The following PCNT variants were observed in gnomAD, a reference collection of about 807,000 sequenced individuals.
PCNT encodes the protein kendrin.
PCNT carries 319 observed loss-of-function variants against 380.4 expected under a neutral mutation model. The observed-to-expected ratio is 0.84, with a 90% confidence interval of 0.77 to 0.92. The LOEUF is 0.92. Among genes scored for constraint, PCNT ranks in the 40% least tolerant of loss-of-function variants. The pLI is 0.00. For synonymous variants in PCNT, 1,845 were observed against 1,735.2 expected (o/e 1.06, Z -1.57); for missense variants, 4,400 against 4,255.3 (o/e 1.03, Z -0.95).
Position 46,388,938 on chromosome 21 carries a change from C to G in PCNT, c.3607+54C>G. The G allele has an allele frequency of 6.5e-7, 1 of 1,546,616 alleles. No individual in the cohort carries two copies. The stretch of plus-strand genomic sequence containing the variant: ...CCTGTGCTTGCAGCCCCTCTGTGGT[C>G]CTGGAGCTCTCTGAGAGGAGCCTCC... On this transcript the variant is annotated intron_variant, in intron 18 of 46. Transcript: ENST00000359568. The surrounding 1 kb of genome is among the most constrained non-coding windows in gnomAD (Gnocchi z 4.2).
intron 37 of PCNT, 138 bp downstream of exon 37, chr21:46,430,795 G>A: frequency 1.3e-6 from 2 of 1,520,188 alleles, no homozygotes; most frequent in Non-Finnish European, 1.8e-6. Flanking sequence ...TAGCAGGATA[G>A]GGCTGTGTTT....
chr21:46,434,129 C>G (rs918101601), intron 38 of PCNT, among the ~76,000 whole-genome samples: 1 of 152,212 alleles, frequency 6.6e-6, no homozygotes, highest in African/African-American at 2.4e-5. Flanking sequence ...TTATAGAACC[C>G]TTCTCTAGCT....
chr21:46,348,074 G>T (rs951839064), intron 6 of PCNT, among the ~76,000 whole-genome samples: 1 of 152,216 alleles, frequency 6.6e-6, no homozygotes, highest in Non-Finnish European at 1.5e-5. Context: ...GACGATGGGT[G>T]TTAGTCCAGG....
At position 46,436,045 on chromosome 21, in the gene PCNT, G is replaced by A; in HGVS notation, c.8893G>A (p.Ala2965Thr). 1 of 1,613,844 alleles carries A rather than the reference G, an allele frequency of 6.2e-7. No individual in the cohort carries two copies. The highest frequency in any genetic ancestry group is 8.5e-7 in the Non-Finnish European group (1 of 1,179,986). Residue 2965 changes from alanine to threonine, a missense_variant, in exon 39 of 47, where the codon GCG (alanine) becomes ACG (threonine). Transcript: ENST00000359568. ...GSARRAAGSD[A>T]DHLREQQREL... ...TGCCCGCAGGGCTGCCGGCTCGGAT[G>A]CGGACCACCTCCGGGAACAGCAGCG... is the stretch of plus-strand genomic sequence containing the variant.
chr21:46,334,918 T>C, intron 3 of PCNT, 150 bp downstream of exon 3: 1 of 1,315,618 alleles, frequency 7.6e-7, no homozygotes, highest in Non-Finnish European at 1.1e-6. Flanking sequence ...AGGCAGAGGC[T>C]CACCCTGTAG....
In PCNT at chr21:46,444,756, A is replaced by G. The variant is rs755920256; in HGVS notation, c.9902A>G (p.His3301Arg). 12 of 1,612,736 alleles carry G rather than the reference A, an allele frequency of 7.4e-6. No individual in the cohort carries two copies. The highest frequency in any genetic ancestry group is 1.7e-6 in the Non-Finnish European group (2 of 1,179,178). ...CTGACTGCTTCTCAAGATCCAGAAC[A>G]TTCCTTGACAGAGTATATTCACCAT... is the stretch of plus-strand genomic sequence containing the variant. ...RSLTASQDPE[H>R]SLTEYIHHLE... The change falls in exon 46 of 47, where the codon CAT becomes CGT. Residue 3301 changes from histidine (H) to arginine (R), a missense_variant. By Grantham distance (29) the His-to-Arg change is conservative. Coordinates refer to ENST00000359568, the MANE Select transcript of PCNT (RefSeq NM_006031.6).
At chr21:46,426,336 A>G (rs1054540257) in intron 33 of PCNT, among the ~76,000 whole-genome samples, 1 of 151,714 alleles carries the variant, frequency 6.6e-6, no homozygotes, top group African/African-American at 2.4e-5. Context: ...CTGGCCTAGG[A>G]TTTTTTTTAG....
At chr21:46,439,754 A>G (rs55945401) in intron 41 of PCNT, among the ~76,000 whole-genome samples, 1 of 152,312 alleles carries the variant, frequency 6.6e-6, no homozygotes, top group Non-Finnish European at 1.5e-5. Flanking sequence ...ACCGGAGAAT[A>G]TGAGAGTGTT....
chr21:46,351,665 C>T, intron 9 of PCNT, 125 bp downstream of exon 9: 8 of 725,170 alleles, frequency 1.1e-5, no homozygotes, highest in South Asian at 8.8e-5. Context: ...ACCTGTTTGA[C>T]ATCCTGAAGG....
At chr21:46,395,019 G>A (rs2086160637) in intron 21 of PCNT, among the ~76,000 whole-genome samples, 1 of 152,232 alleles carries the variant, frequency 6.6e-6, no homozygotes, top group Non-Finnish European at 1.5e-5. Context: ...GCACAGCCCA[G>A]GTCGTGTCCA....
At chr21:46,441,116 C>CG in intron 43 of PCNT, 32 bp downstream of exon 43, 2 of 1,360,304 alleles carry the variant, frequency 1.5e-6, no homozygotes, top group Non-Finnish European at 2.1e-6. Flanking sequence ...CAGTGCGTTC[C>CG]GCGTCTGTCT....
chr21:46,347,377 GCCTGGTCGTTT>G, intron 5 of PCNT, 69 bp from the exon 6 acceptor site: 1 of 1,414,160 alleles, frequency 7.1e-7, no homozygotes, highest in Non-Finnish European at 1.0e-6. Flanking sequence ...GGGTGCCAGA[GCCTGGTCGTTT>G]CCTGGGCAGT....
intron 15 of PCNT, among the ~76,000 whole-genome samples, chr21:46,377,322 G>A (rs566039858): frequency 6.6e-6 from 1 of 152,354 alleles, no homozygotes; most frequent in East Asian, 1.9e-4. Flanking sequence ...AGGTCCCACT[G>A]CTGAGGACAT....
intron 27 of PCNT, among the ~76,000 whole-genome samples, chr21:46,403,945 G>C (rs7282674): frequency 2.1e-3 from 255 of 120,570 alleles, no homozygotes; most frequent in South Asian, 4.9e-3. Flanking sequence ...CTCGGTGAAT[G>C]AACACAGCGT....
intron 31 of PCNT, 55 bp downstream of exon 31, chr21:46,418,361 G>A (rs2087113769): frequency 9.4e-7 from 1 of 1,060,640 alleles, no homozygotes; most frequent in Non-Finnish European, 1.5e-6. Context: ...TCCTAGCACA[G>A]AATAGTCAAA....
chr21:46,336,353 G>T (rs890583196), intron 3 of PCNT, among the ~76,000 whole-genome samples: 2 of 152,184 alleles, frequency 1.3e-5, no homozygotes, highest in Admixed American at 1.3e-4. Flanking sequence ...TCTCTGGTGG[G>T]TTCTATAAAA....
rs546445955 is a variant in PCNT at position 46,397,928 on chromosome 21, G to A, written c.4447-86G>A. On this transcript the variant is annotated intron_variant, in intron 22 of 46. Transcript: ENST00000359568. ...AGCTGCTGGGCAGTTGCACTTGTACGTGCAGTGGAAGCCTGGGTGGACCTT... is the reference window on the plus strand; with the variant it reads ...AGCTGCTGGGCAGTTGCACTTGTACATGCAGTGGAAGCCTGGGTGGACCTT... 1.0e-4 allele frequency: 98 copies of A among 961,854 alleles called. No individual in the cohort carries two copies. The East Asian group carries it at 1.3e-3, about 13-fold the overall frequency. 59.6% of individuals were successfully genotyped at this position (961,854 alleles called of 1,614,324 possible).
Position 46,334,556 on chromosome 21 carries a change from C to T in PCNT, c.427C>T (p.Arg143Cys), listed in dbSNP as rs201176638. 2.8e-4 allele frequency: 440 copies of T among 1,598,784 alleles called. No homozygotes were observed. The highest frequency in any genetic ancestry group is 5.7e-4 in the Admixed American group (34 of 59,548). The change falls in exon 3 of 47, where the codon CGT becomes TGT. Residue 143 changes from arginine to cysteine, a missense_variant. Arg to Cys is a radical substitution (Grantham distance 180). Coordinates refer to ENST00000359568, the MANE Select transcript of PCNT (RefSeq NM_006031.6). ...FTVGDHPPEQ[R>C]GMFTVSDHPP... is the part of the protein sequence containing the mutation. ...AGTCGGTGACCACCCACCAGAACAG[C>T]GTGGGATGTTCACAGTCAGTGACCA...
In PCNT at chr21:46,432,174, G is replaced by T. The variant is rs2087795304; in HGVS notation, c.8710G>T (p.Ala2904Ser). 1 of 1,612,892 alleles carries T rather than the reference G, an allele frequency of 6.2e-7. No homozygotes were observed. The highest frequency in any genetic ancestry group is 1.7e-5 in the Admixed American group (1 of 59,984). ...SAEARQSPAA[A>S]EQWRKWQRDK... ...GGAGGCCAGGCAGAGCCCAGCGGCT[G>T]CGGAGCAGTGGAGGAAGTGGCAGAG... Residue 2904 changes from alanine to serine, a missense_variant, in exon 38 of 47, where the codon GCG becomes TCG. Coordinates refer to ENST00000359568, the MANE Select transcript of PCNT (RefSeq NM_006031.6).
Sources: allele counts gnomAD v4.1 joint callset (sites outside exome capture counted in the v4.1 genomes callset), GRCh38; gene constraint gnomAD v4.1.1; non-coding constraint Gnocchi (gnomAD v3.1); transcripts MANE v1.5; gene names NCBI Gene and HGNC (gene_info 2026-07-23, HGNC 2026-07-21).